CSMD3: variants seen among roughly 807,000 people sequenced by gnomAD.
The protein encoded by CSMD3 is CUB and Sushi multiple domains 3, also known as CUB and sushi domain-containing protein 3.
A neutral mutation model predicts 435.2 loss-of-function variants in CSMD3; 177 were observed. The observed-to-expected ratio is 0.41, with a 90% confidence interval of 0.36 to 0.46. CSMD3 has a LOEUF of 0.46. CSMD3 is among the 20% of genes least tolerant of loss of function. The pLI is 0.34. For synonymous variants in CSMD3, 1,656 were observed against 1,520.5 expected (o/e 1.09, Z -2.07); for missense variants, 4,265 against 4,504.6 (o/e 0.95, Z 1.52).
chr8:113,107,017 G>A (rs1405914392), intron 4 of CSMD3, among the ~76,000 whole-genome samples: 5 of 151,830 alleles, frequency 3.3e-5, no homozygotes, highest in East Asian at 1.9e-4. Flanking sequence ...CCTTTTAATC[G>A]TCCCCTCCAA....
chr8:113,268,343 T>TTG (rs2093489637), intron 3 of CSMD3, among the ~76,000 whole-genome samples: 1 of 149,186 alleles, frequency 6.7e-6, no homozygotes, highest in South Asian at 2.1e-4. Flanking sequence ...AATTTTATTG[T>TTG]TTCTCAGAAG....
At chr8:112,411,586 A>G (rs1342777061) in intron 32 of CSMD3, among the ~76,000 whole-genome samples, 1 of 152,204 alleles carries the variant, frequency 6.6e-6, no homozygotes, top group East Asian at 1.9e-4. Context: ...AGTATGAACA[A>G]TGAAGAACAC....
intron 9 of CSMD3, among the ~76,000 whole-genome samples, chr8:112,933,864 A>C (rs1334181669): frequency 6.6e-6 from 1 of 152,116 alleles, no homozygotes; most frequent in African/African-American, 2.4e-5. Context: ...GGAATCTAAA[A>C]AATACCACTA....
At chr8:113,101,172 C>T (rs1429877274) in intron 4 of CSMD3, among the ~76,000 whole-genome samples, 1 of 152,098 alleles carries the variant, frequency 6.6e-6, no homozygotes, top group Non-Finnish European at 1.5e-5. Flanking sequence ...CCCATCAGTT[C>T]CATTACTGTG....
At chr8:112,808,810 T>C (rs2079153961) in intron 12 of CSMD3, among the ~76,000 whole-genome samples, 1 of 152,002 alleles carries the variant, frequency 6.6e-6, no homozygotes, top group Non-Finnish European at 1.5e-5. Flanking sequence ...CAAGAGAATT[T>C]TGAGCGCTAG....
chr8:113,066,300 T>A (rs1413708913), intron 5 of CSMD3, among the ~76,000 whole-genome samples: 1 of 151,940 alleles, frequency 6.6e-6, no homozygotes, highest in Admixed American at 6.6e-5. Flanking sequence ...AGAGAAAAAG[T>A]GTTTTTGAAT....
intron 13 of CSMD3, among the ~76,000 whole-genome samples, chr8:112,710,577 GT>G (rs1337326191): frequency 2.0e-5 from 3 of 151,536 alleles, no homozygotes; most frequent in Non-Finnish European, 4.4e-5. Context: ...TTAACATTTG[GT>G]TTTGTTTTTG....
chr8:112,886,669 T>C (rs2081607445), intron 10 of CSMD3, among the ~76,000 whole-genome samples: 1 of 151,438 alleles, frequency 6.6e-6, no homozygotes. Flanking sequence ...ACCTGTGAGA[T>C]AAATATAGTT....
chr8:113,207,534 C>T (rs1199819649), intron 3 of CSMD3, among the ~76,000 whole-genome samples: 1 of 151,920 alleles, frequency 6.6e-6, no homozygotes, highest in African/African-American at 2.4e-5. Flanking sequence ...AGGCATGCAC[C>T]ACCACATCAG....
At chr8:112,695,320 T>C (rs78524467) in intron 13 of CSMD3, among the ~76,000 whole-genome samples, 1,714 of 152,338 alleles carry the variant, frequency 0.011, 28 homozygotes, top group African/African-American at 0.038. Context: ...GTTATGTATA[T>C]CATACTTTAA....
chr8:112,879,164 C>A (rs1022066955), intron 10 of CSMD3, among the ~76,000 whole-genome samples: 1 of 152,086 alleles, frequency 6.6e-6, no homozygotes, highest in Non-Finnish European at 1.5e-5. Context: ...TCGCTGAATT[C>A]TTTCCCCAGT....
At chr8:112,854,929 G>A (rs558645297) in intron 11 of CSMD3, among the ~76,000 whole-genome samples, 44 of 152,156 alleles carry the variant, frequency 2.9e-4, no homozygotes, top group African/African-American at 1.0e-3. Flanking sequence ...GATGGAAATG[G>A]TCAATATGGT....
intron 5 of CSMD3, among the ~76,000 whole-genome samples, chr8:113,088,614 A>T (rs1220440909): frequency 6.6e-6 from 1 of 151,092 alleles, no homozygotes; most frequent in Non-Finnish European, 1.5e-5. Flanking sequence ...CCAAGGACAA[A>T]AAACGAAACA....
intron 13 of CSMD3, among the ~76,000 whole-genome samples, chr8:112,717,650 G>A (rs1033957543): frequency 8.6e-5 from 13 of 152,000 alleles, no homozygotes; most frequent in African/African-American, 1.7e-4. Context: ...TAGCAAAGAC[G>A]TGGAACCAAC....
intron 13 of CSMD3, among the ~76,000 whole-genome samples, chr8:112,773,938 G>A (rs2078184359): frequency 6.6e-6 from 1 of 151,998 alleles, no homozygotes; most frequent in Non-Finnish European, 1.5e-5. Flanking sequence ...TCTACATTTG[G>A]ACCTGAGGCA....
intron 8 of CSMD3, among the ~76,000 whole-genome samples, chr8:112,953,384 T>C (rs536936654): frequency 2.6e-5 from 4 of 151,588 alleles, no homozygotes; most frequent in South Asian, 2.1e-4. Flanking sequence ...AAAGTCATAT[T>C]GTAGCATTGC....
intron 36 of CSMD3, among the ~76,000 whole-genome samples, chr8:112,389,410 AT>A (rs1830226962): frequency 2.0e-5 from 3 of 152,308 alleles, no homozygotes; most frequent in Admixed American, 2.0e-4. Context: ...TTCTACTATA[AT>A]AAGATAGGAT....
At chr8:113,312,382 T>C (rs2093876279) in intron 2 of CSMD3, 1 of 151,874 alleles carries the variant, frequency 6.6e-6, no homozygotes, top group Admixed American at 6.6e-5. Flanking sequence ...AGGGTTAGAG[T>C]CACTGAGCTT....
chr8:113,384,083 A>G (rs1052679291), intron 1 of CSMD3, among the ~76,000 whole-genome samples: 1 of 152,112 alleles, frequency 6.6e-6, no homozygotes, highest in Non-Finnish European at 1.5e-5. Context: ...TTTTACCCCA[A>G]ATTCCCACCA....
Sources: allele counts gnomAD v4.1 joint callset (sites outside exome capture counted in the v4.1 genomes callset), GRCh38; gene constraint gnomAD v4.1.1; transcripts MANE v1.5; gene names NCBI Gene and HGNC (gene_info 2026-07-23, HGNC 2026-07-21).